Variants in GRK6 observed in about 807,000 individuals in gnomAD.
GRK6 encodes the protein G protein-coupled receptor kinase 6.
A neutral mutation model predicts 80.8 loss-of-function variants in GRK6; 37 were observed. The ratio of observed to expected loss-of-function variants is 0.46; its 90% confidence interval spans 0.35 to 0.60. The LOEUF is 0.60. Ranked by LOEUF, GRK6 falls within the 20% of genes least tolerant of loss-of-function variation. The pLI is 0.00. For missense variants in GRK6, 560 were observed against 784.6 expected (o/e 0.71, Z 3.42); for synonymous variants, 295 against 320.9 (o/e 0.92, Z 0.86).
At chr5:177,433,006 C>G (rs982292069) in intron 5 of GRK6, 141 bp from the exon 6 acceptor site, 10 of 797,198 alleles carry the variant, frequency 1.3e-5, no homozygotes, top group Non-Finnish European at 2.1e-5. Context: ...TGTGTCTCCC[C>G]GCTCAGGGGT....
intron 11 of GRK6, 72 bp from the exon 12 acceptor site, chr5:177,436,001 C>G: frequency 7.5e-7 from 1 of 1,335,424 alleles, no homozygotes; most frequent in Non-Finnish European, 1.1e-6. Context: ...CTAACGTGCA[C>G]TGGCGTTCCT....
Position 177,434,032 on chromosome 5 carries a change from C to G in GRK6, c.857C>G (p.Ala286Gly), listed in dbSNP as rs1291786462. 4 of 1,611,774 alleles carry G rather than the reference C, an allele frequency of 2.5e-6. No homozygotes were observed. Among genetic ancestry groups the G allele is most frequent in the Non-Finnish European group, 3.4e-6 (4 of 1,179,296 alleles). ...ATGGGCCAGGCTGGCTTCCCCGAAG[C>G]GCGGGCCGTCTTCTACGCCGCCGAG... ...YHMGQAGFPE[A>G]RAVFYAAEIC... Residue 286 changes from alanine (A) to glycine (G), a missense_variant, in exon 9 of 16, where the codon GCG becomes GGG. Physicochemically the swap from Ala to Gly is moderately conservative, Grantham distance 60. This residue lies in a region of GRK6 where 294 missense variants were observed against 397.4 expected (regional missense o/e 0.74). Coordinates refer to ENST00000355472, the MANE Select transcript of GRK6 (RefSeq NM_001004106.3).
At position 177,442,400 on chromosome 5, in the gene GRK6, T is replaced by A. The variant is rs1291459287; in HGVS notation, c.*610T>A. On this transcript the variant is annotated 3_prime_UTR_variant, in exon 16 of 16. Coordinates refer to ENST00000355472, the MANE Select transcript of GRK6 (RefSeq NM_001004106.3). ...GGCCTGTGCCAAAGTGGCCAGAGAT[T>A]GGGCTGCCTGTGATACCCATCAGCC... 1.3e-5 allele frequency: 2 copies of A among 153,448 alleles called. No homozygotes were observed. The highest frequency in any genetic ancestry group is 4.8e-5 in the African/African-American group (2 of 41,458). 9.5% of individuals were successfully genotyped at this position (153,448 alleles called of 1,614,324 possible).
intron 13 of GRK6, among the ~76,000 whole-genome samples, chr5:177,437,239 G>T (rs1370624244): frequency 6.6e-6 from 1 of 152,166 alleles, no homozygotes; most frequent in South Asian, 2.1e-4. Flanking sequence ...ACAGGAGTGA[G>T]CCATCGCGCC....
chr5:177,431,635 T>G, intron 2 of GRK6: 1 of 284,504 alleles, frequency 3.5e-6, no homozygotes, highest in Non-Finnish European at 6.8e-6. Context: ...GCAGCAGGTG[T>G]GGGCCTGGCC....
At chr5:177,433,090 C>A in intron 5 of GRK6, 57 bp from the exon 6 acceptor site, 1 of 1,484,048 alleles carries the variant, frequency 6.7e-7, no homozygotes, top group South Asian at 1.1e-5. Context: ...CCCAGCAAGC[C>A]AAGAGCCTGA....
intron 5 of GRK6, 146 bp from the exon 6 acceptor site, chr5:177,433,001 C>A: frequency 1.3e-6 from 1 of 783,304 alleles, no homozygotes; most frequent in Non-Finnish European, 2.1e-6. Flanking sequence ...GGCTGTGTGT[C>A]TCCCCGCTCA....
chr5:177,438,763 G>C (rs1430902972), intron 13 of GRK6: 2 of 152,282 alleles, frequency 1.3e-5, no homozygotes, highest in Non-Finnish European at 2.9e-5. Flanking sequence ...CTACTGCCCT[G>C]AGTGACTGCC....
rs200416754 is a variant in GRK6 at position 177,433,211 on chromosome 5, C to T, written c.505C>T (p.Arg169Cys). ...CTACCTCGACAGCATCTACTTCAACCGTTTCCTGCAGTGGAAGTGGCTGGA... is the reference window on the plus strand; with the variant it reads ...CTACCTCGACAGCATCTACTTCAACTGTTTCCTGCAGTGGAAGTGGCTGGA... ...ADYLDSIYFN[R>C]FLQWKWLERQ... is the part of the protein sequence containing the mutation. The change falls in exon 6 of 16, where the codon CGT (arginine) becomes TGT (cysteine). Residue 169 changes from arginine to cysteine, a missense_variant. By Grantham distance (180) the Arg-to-Cys change is radical (BLOSUM62 -3). This residue lies in a region of GRK6 where 77 missense variants were observed against 156.9 expected (regional missense o/e 0.49). Transcript: ENST00000355472. 6 of 1,614,166 alleles carry T rather than the reference C, an allele frequency of 3.7e-6. No homozygotes were observed. Among genetic ancestry groups the T allele is most frequent in the East Asian group, 2.2e-5 (1 of 44,892 alleles).
chr5:177,435,785 C>T (rs1360652350), intron 11 of GRK6, among the ~76,000 whole-genome samples: 1 of 152,234 alleles, frequency 6.6e-6, no homozygotes, highest in African/African-American at 2.4e-5. Flanking sequence ...ATTTGGCCTA[C>T]ATTTGTGTTT....
intron 8 of GRK6, 118 bp from the exon 9 acceptor site, chr5:177,433,796 A>G: frequency 6.6e-7 from 1 of 1,521,000 alleles, no homozygotes; most frequent in Non-Finnish European, 8.9e-7. Context: ...GGGTGTTGAC[A>G]CCAGGCTTGG....
rs1250625153 is a variant in GRK6 at position 177,442,755 on chromosome 5, C to T, written c.*965C>T. 1 of 152,584 alleles carries T rather than the reference C, an allele frequency of 6.6e-6. No homozygotes were observed. The highest frequency in any genetic ancestry group is 1.5e-5 in the Non-Finnish European group (1 of 68,036). 9.5% of individuals were successfully genotyped at this position (152,584 alleles called of 1,614,324 possible). On this transcript the variant is annotated 3_prime_UTR_variant, in exon 16 of 16. Coordinates refer to ENST00000355472, the MANE Select transcript of GRK6 (RefSeq NM_001004106.3). ...CTGGCCCTTCCCAGACTGTGATGGC[C>T]ATCCTGGTCCCAGTGTTAGGGTAGC... is the stretch of plus-strand genomic sequence containing the variant.
intron 12 of GRK6, 43 bp downstream of exon 12, chr5:177,436,324 G>A: frequency 6.2e-7 from 1 of 1,610,786 alleles, no homozygotes; most frequent in South Asian, 1.1e-5. Context: ...GGCTGGGGTG[G>A]ATGCACCTTT....
At chr5:177,431,912 G>A (rs767207926) in intron 2 of GRK6, 83 bp from the exon 3 acceptor site, 3 of 1,201,462 alleles carry the variant, frequency 2.5e-6, no homozygotes, top group South Asian at 2.4e-5. Context: ...TGTTGTGGGG[G>A]CCCAGGGCCT....
rs1763752809 is a variant in GRK6, at chr5:177,428,320, T to C, written c.52+1423T>C. ...TGCCTGGCCGGAGAGTGTGGGTACC[T>C]TTGGACAAGCTTTGTCAGGCCATGG... On this transcript the variant is annotated intron_variant, in intron 1 of 15. Transcript: ENST00000355472. This position sits in a 1 kb window ranked among gnomAD's most constrained non-coding sequence, Gnocchi z 4.1. Among the ~76,000 whole-genome samples, 1 of 152,208 alleles carries C rather than the reference T, an allele frequency of 6.6e-6. No individual in the cohort carries two copies. Among genetic ancestry groups the C allele is most frequent in the South Asian group, 2.1e-4 (1 of 4,834 alleles).
chr5:177,440,362 G>A lies in GRK6; in HGVS notation c.1405-338G>A, dbSNP rs568572638. 4.6e-5 allele frequency among the ~76,000 whole-genome samples: 7 copies of A among 152,332 alleles called. No homozygotes were observed. The East Asian group carries it at 5.8e-4, about 13-fold the overall frequency. On this transcript the variant is annotated intron_variant, in intron 13 of 15. Transcript: ENST00000355472. Reference sequence around the variant, plus strand: ...CAGGCTCTGCGTGGTGGTGCCCAGCGGAGGGGCCGGCTGAGATTCAGCCTG... The same window carrying A: ...CAGGCTCTGCGTGGTGGTGCCCAGCAGAGGGGCCGGCTGAGATTCAGCCTG...
chr5:177,438,958 T>G (rs1171094701), intron 13 of GRK6: 1 of 152,246 alleles, frequency 6.6e-6, no homozygotes, highest in Non-Finnish European at 1.5e-5. Context: ...AGGTGGGCCC[T>G]GTCAGAGGCA....
rs776311701 is a variant in GRK6, at chr5:177,436,265, G to T, written c.1250G>T (p.Arg417Leu). The change falls in exon 12 of 16, where the codon CGC becomes CTC. Residue 417 changes from arginine (R) to leucine (L), a missense_variant. Arg to Leu is a moderately radical substitution (Grantham distance 102). This residue lies in a region of GRK6 where 294 missense variants were observed against 397.4 expected (regional missense o/e 0.74). Transcript: ENST00000355472. ...EYSERFSPQA[R>L]SLCSQLLCKD... ...TCCGAGCGCTTTTCCCCGCAGGCCCGCTCACTTTGCTCACAGGTACGGCAG... is the reference window on the plus strand; with the variant it reads ...TCCGAGCGCTTTTCCCCGCAGGCCCTCTCACTTTGCTCACAGGTACGGCAG... The T allele has an allele frequency of 3.1e-6, 5 of 1,613,960 alleles. No homozygotes were observed. The African/African-American group carries it at 6.7e-5, about 22-fold the overall frequency.
chr5:177,434,946 A>C lies in GRK6; in HGVS notation c.967+7A>C. ...ATCTTGCTGGATGACCACGGTGTGT[A>C]AGGGTGCCTGGGGTGGGTCAGGGTG... On this transcript the variant is annotated splice_region_variant and intron_variant, in intron 10 of 15. Transcript: ENST00000355472. 1 of 1,608,058 alleles carries C rather than the reference A, an allele frequency of 6.2e-7. No individual in the cohort carries two copies. Among genetic ancestry groups the C allele is most frequent in the Non-Finnish European group, 8.5e-7 (1 of 1,175,112 alleles).
Sources: allele counts gnomAD v4.1 joint callset (sites outside exome capture counted in the v4.1 genomes callset), GRCh38; gene constraint gnomAD v4.1.1; regional missense constraint gnomAD v4.1.1; non-coding constraint Gnocchi (gnomAD v3.1); transcripts MANE v1.5; gene names NCBI Gene and HGNC (gene_info 2026-07-23, HGNC 2026-07-21).